The following TMTC2 variants were observed in gnomAD, a reference collection of about 807,000 sequenced individuals.
The protein encoded by TMTC2 is protein O-mannosyl-transferase TMTC2.
In TMTC2, 43 loss-of-function variants were observed where a neutral mutation model predicts 82.4. The observed-to-expected ratio is 0.52, with a 90% CI of 0.41 to 0.67. TMTC2 has a LOEUF of 0.67. TMTC2 is among the 30% of genes least tolerant of loss of function. The pLI is 0.00. For synonymous variants in TMTC2, 408 were observed against 381.9 expected, an observed-to-expected ratio of 1.07 and a Z score of -0.80; for missense variants, 919 against 1,012.4, an observed-to-expected ratio of 0.91 and a Z score of 1.25.
intron 1 of TMTC2, among the ~76,000 whole-genome samples, chr12:82,743,042 TAGC>T (rs1222672591): frequency 2.0e-5 from 3 of 152,238 alleles, no homozygotes; most frequent in Non-Finnish European, 4.4e-5. Flanking sequence ...GTTGCAATAG[TAGC>T]TGTGTGGCTG....
At chr12:82,887,355 A>T (rs1488823761) in intron 2 of TMTC2, among the ~76,000 whole-genome samples, 1 of 152,146 alleles carries the variant, frequency 6.6e-6, no homozygotes, top group Non-Finnish European at 1.5e-5. Context: ...GTTGAATTTT[A>T]CTTCACTCTT....
intron 1 of TMTC2, among the ~76,000 whole-genome samples, chr12:82,830,836 T>G (rs563271445): frequency 6.6e-6 from 1 of 152,284 alleles, no homozygotes; most frequent in East Asian, 1.9e-4. Context: ...CTGCTTAGCT[T>G]AAGATATATT....
intron 11 of TMTC2, among the ~76,000 whole-genome samples, chr12:83,086,087 G>C (rs533814652): frequency 6.6e-6 from 1 of 150,996 alleles, no homozygotes; most frequent in Non-Finnish European, 1.5e-5. Context: ...TAATTGAAAA[G>C]TAAACTTTAC....
chr12:82,932,671 G>A (rs1306114984), intron 4 of TMTC2, among the ~76,000 whole-genome samples: 2 of 151,944 alleles, frequency 1.3e-5, no homozygotes, highest in African/African-American at 2.4e-5. Context: ...ATGTCAAAGG[G>A]GGCCTCTTGC....
chr12:83,103,177 T>A (rs1349781240), intron 11 of TMTC2, among the ~76,000 whole-genome samples: 1 of 152,188 alleles, frequency 6.6e-6, no homozygotes, highest in African/African-American at 2.4e-5. Flanking sequence ...TCCAATATCC[T>A]GAGGATAGAG....
Position 82,965,764 on chromosome 12 carries a change from G to C in TMTC2, c.1869+20G>C. ...TATGAGGTCTGGCCAATGCCTCTCT[G>C]TCCTTTTCCCTCCCCCTTGTTCTGA... On this transcript the variant is annotated intron_variant, in intron 6 of 11. Transcript: ENST00000321196. 10 of 1,612,752 alleles carry C rather than the reference G, an allele frequency of 6.2e-6. No homozygotes were observed. The highest frequency in any genetic ancestry group is 8.5e-6 in the Non-Finnish European group (10 of 1,179,670).
chr12:82,988,014 G>A (rs570298249), intron 8 of TMTC2, among the ~76,000 whole-genome samples: 32 of 152,188 alleles, frequency 2.1e-4, no homozygotes, highest in Non-Finnish European at 3.7e-4. Context: ...TTTTGCTGAA[G>A]AAGTTACTGG....
chr12:82,698,100 C>G (rs1392260731), intron 1 of TMTC2, among the ~76,000 whole-genome samples: 1 of 152,152 alleles, frequency 6.6e-6, no homozygotes, highest in Non-Finnish European at 1.5e-5. Flanking sequence ...AGCTTTAAGG[C>G]ACCTTGGGGG....
At chr12:82,818,148 T>C in intron 1 of TMTC2, among the ~76,000 whole-genome samples, 1 of 152,110 alleles carries the variant, frequency 6.6e-6, no homozygotes, top group East Asian at 1.9e-4. Flanking sequence ...CATTTGGACT[T>C]CCCAGACCTA....
chr12:82,856,953 AT>A, intron 1 of TMTC2, 56 bp from the exon 2 acceptor site: 1 of 1,498,492 alleles, frequency 6.7e-7, no homozygotes, highest in South Asian at 1.3e-5. Flanking sequence ...TCAATGTCAT[AT>A]TTTTTCTTTC....
intron 3 of TMTC2, 45 bp from the exon 4 acceptor site, chr12:82,930,386 A>G: frequency 8.6e-7 from 1 of 1,165,878 alleles, no homozygotes; most frequent in Middle Eastern, 2.0e-4. Context: ...GTCATGTATA[A>G]TTGGATTGAT....
chr12:83,107,376 T>C (rs1315883795), intron 11 of TMTC2, among the ~76,000 whole-genome samples: 1 of 152,196 alleles, frequency 6.6e-6, no homozygotes, highest in Admixed American at 6.5e-5. Context: ...TGGTACCTGC[T>C]CGGCTTCTGG....
At chr12:83,043,479 T>C (rs1449070702) in intron 9 of TMTC2, among the ~76,000 whole-genome samples, 1 of 152,220 alleles carries the variant, frequency 6.6e-6, no homozygotes, top group African/African-American at 2.4e-5. Flanking sequence ...TCAGAATCTT[T>C]GAAAAAGTCC....
At position 82,729,858 on chromosome 12, in the gene TMTC2, C is replaced by T. The variant is rs140537573; in HGVS notation, c.83+42189C>T. 1.6e-3 allele frequency among the ~76,000 whole-genome samples: 249 copies of T among 152,304 alleles called. 2 individuals carry two copies. The highest frequency in any genetic ancestry group is 5.5e-3 in the African/African-American group (229 of 41,566). On this transcript the variant is annotated intron_variant, in intron 1 of 11. Transcript: ENST00000321196. ...CACTGCCTTTATGAGCTGTAACACTCATGGCGAAGGTCTGCAGCTTCACTC... is the reference window on the plus strand; with the variant it reads ...CACTGCCTTTATGAGCTGTAACACTTATGGCGAAGGTCTGCAGCTTCACTC...
intron 1 of TMTC2, among the ~76,000 whole-genome samples, chr12:82,765,930 T>C (rs915352402): frequency 6.6e-6 from 1 of 152,152 alleles, no homozygotes; most frequent in Non-Finnish European, 1.5e-5. Flanking sequence ...GTTCATGAAC[T>C]CAGTGGGTTT....
At chr12:83,008,845 C>T (rs1309649909) in intron 8 of TMTC2, among the ~76,000 whole-genome samples, 1 of 152,154 alleles carries the variant, frequency 6.6e-6, no homozygotes, top group Non-Finnish European at 1.5e-5. Context: ...AATTTCTCTT[C>T]CGTTCTGATT....
intron 1 of TMTC2, among the ~76,000 whole-genome samples, chr12:82,691,225 T>C (rs956607667): frequency 6.6e-6 from 1 of 152,208 alleles, no homozygotes; most frequent in African/African-American, 2.4e-5. Context: ...TATTTGCGAC[T>C]CCTCTGAAAA....
chr12:82,963,512 A>T (rs559695959), intron 4 of TMTC2, among the ~76,000 whole-genome samples: 1 of 151,654 alleles, frequency 6.6e-6, no homozygotes, highest in South Asian at 2.1e-4. Context: ...AAGACATTTA[A>T]GGTTGTAGAA....
intron 11 of TMTC2, among the ~76,000 whole-genome samples, chr12:83,085,538 A>T (rs1391181362): frequency 6.6e-6 from 1 of 151,804 alleles, no homozygotes; most frequent in Non-Finnish European, 1.5e-5. Flanking sequence ...TGCCTTGAAA[A>T]CATTGCCCTC....
Sources: allele counts gnomAD v4.1 joint callset (sites outside exome capture counted in the v4.1 genomes callset), GRCh38; gene constraint gnomAD v4.1.1; transcripts MANE v1.5; gene names NCBI Gene and HGNC (gene_info 2026-07-23, HGNC 2026-07-21).